GAS6: variants seen among roughly 807,000 people sequenced by gnomAD.
The protein encoded by GAS6 is growth arrest specific 6.
In GAS6, 41 loss-of-function variants were observed where a neutral mutation model predicts 75.8. The ratio of observed to expected loss-of-function variants is 0.54; its 90% CI spans 0.42 to 0.70. The LOEUF (loss-of-function observed/expected upper bound fraction) is 0.70. Among genes scored for constraint, GAS6 ranks in the 30% least tolerant of loss-of-function variants. GAS6 has a pLI of 0.00. For missense variants in GAS6, 854 were observed against 940.2 expected, an observed-to-expected ratio of 0.91 and a Z score of 1.20; for synonymous variants, 432 against 412.6, an observed-to-expected ratio of 1.05 and a Z score of -0.57.
Position 113,828,541 on chromosome 13 carries a change from A to G in GAS6, c.1308+6T>C. ...GCGTCTACACAGGGACAGGTACAGTACTCACAGGCTGCACGAGGTCCTTCT... is the reference window on the plus strand; with the variant it reads ...GCGTCTACACAGGGACAGGTACAGTGCTCACAGGCTGCACGAGGTCCTTCT... On this transcript the variant is annotated splice_donor_region_variant and intron_variant, in intron 11 of 14. Transcript: ENST00000327773. 1 of 1,612,676 alleles carries G rather than the reference A, an allele frequency of 6.2e-7. No individual in the cohort carries two copies. The highest frequency in any genetic ancestry group is 8.5e-7 in the Non-Finnish European group (1 of 1,179,586).
intron 2 of GAS6, among the ~76,000 whole-genome samples, chr13:113,855,354 C>T (rs1274673458): frequency 1.3e-5 from 2 of 152,218 alleles, no homozygotes; most frequent in Non-Finnish European, 2.9e-5. Flanking sequence ...CAATAAGCTA[C>T]CGGCCTCTGT....
In GAS6 at chr13:113,839,715, C is replaced by T. The variant is rs1489738360; in HGVS notation, c.466+13G>A. ...TGGAGGGAGACCCCGCCTTTGTCTT[C>T]AGCCTCACGTACCTTTGTCGCAGAG... On this transcript the variant is annotated intron_variant, in intron 5 of 14. Transcript: ENST00000327773. The T allele has an allele frequency of 2.5e-6, 4 of 1,612,640 alleles. No homozygotes were observed. Among genetic ancestry groups the T allele is most frequent in the African/African-American group, 2.7e-5 (2 of 74,892 alleles).
chr13:113,864,065 A>C lies in GAS6; in HGVS notation c.-145T>G. ...CGGCGGCGGCGGCTGCGGCACCTCAAGCGCTCGGTCTGGGCGTGTTCGGGC... is the reference window on the plus strand; with the variant it reads ...CGGCGGCGGCGGCTGCGGCACCTCACGCGCTCGGTCTGGGCGTGTTCGGGC... On this transcript the variant is annotated 5_prime_UTR_variant, in exon 1 of 15. Coordinates refer to ENST00000327773, the MANE Select transcript of GAS6 (RefSeq NM_000820.4). 1.2e-6 allele frequency: 1 copy of C among 854,178 alleles called. No homozygotes were observed. Among genetic ancestry groups the C allele is most frequent in the Non-Finnish European group, 1.4e-6 (1 of 708,064 alleles). 52.9% of individuals were successfully genotyped at this position (854,178 alleles called of 1,614,324 possible).
intron 11 of GAS6, among the ~76,000 whole-genome samples, chr13:113,828,195 C>T (rs1026630156): frequency 4.6e-5 from 7 of 152,032 alleles, no homozygotes; most frequent in South Asian, 2.1e-4. Flanking sequence ...ACCCGGGAGG[C>T]GGAGCTTGCA....
In GAS6 at chr13:113,832,663, T is replaced by G; in HGVS notation, c.924A>C (p.Arg308=). The G allele has an allele frequency of 6.2e-7, 1 of 1,612,754 alleles. No individual in the cohort carries two copies. Among genetic ancestry groups the G allele is most frequent in the African/African-American group, 1.3e-5 (1 of 75,060 alleles). ...TGGGCTGCAGCCTCTTGAAGCGCAG[T>G]CGGATCACGGGGGTCCCACTGAACA... is the stretch of plus-strand genomic sequence containing the variant. The part of the protein sequence containing the change: ...GRMFSGTPVI[R]LRFKRLQPTR... Residue 308 remains arginine, a synonymous_variant, in exon 9 of 15, where the codon CGA becomes CGC. Transcript: ENST00000327773.
intron 2 of GAS6, among the ~76,000 whole-genome samples, chr13:113,851,001 G>C (rs918472536): frequency 1.3e-5 from 2 of 152,278 alleles, no homozygotes; most frequent in Admixed American, 6.5e-5. Flanking sequence ...ATGAATGAAT[G>C]AATCAGTGGA....
At position 113,822,620 on chromosome 13, in the gene GAS6, T is replaced by G. The variant is rs912940320; in HGVS notation, c.1654-434A>C. ...GCCCAGCAGCCCAGGGGTCGGCTGT[T>G]GCTACATAACAGCAGCTGTTTATTC... On this transcript the variant is annotated intron_variant, in intron 13 of 14. Coordinates refer to ENST00000327773, the MANE Select transcript of GAS6 (RefSeq NM_000820.4). 5 of 166,970 alleles carry G rather than the reference T, an allele frequency of 3.0e-5. No individual in the cohort carries two copies. In the Admixed American group the frequency reaches 3.1e-4, roughly 10 times the overall value. 10.3% of individuals were successfully genotyped at this position (166,970 alleles called of 1,614,324 possible).
chr13:113,823,464 G>A lies in GAS6; in HGVS notation c.1564C>T (p.Leu522=), dbSNP rs1261739146. The stretch of plus-strand genomic sequence containing the variant: ...AGGTCGGGGGCCCAGAGCGCAAACA[G>A]CACGCCTGTGTCTGCGGCTGGGCGG... ...HIRPAADTGV[L]FALWAPDLRA... The change falls in exon 13 of 15, where the codon CTG becomes TTG. Residue 522 remains leucine, a synonymous_variant. Coordinates refer to ENST00000327773, the MANE Select transcript of GAS6 (RefSeq NM_000820.4). The A allele has an allele frequency of 6.2e-7, 1 of 1,612,794 alleles. No homozygotes were observed.
chr13:113,828,341 C>G (rs989071008), intron 11 of GAS6, among the ~76,000 whole-genome samples: 1 of 152,128 alleles, frequency 6.6e-6, no homozygotes, highest in African/African-American at 2.4e-5. Context: ...CAGATGAAAA[C>G]TTAGGTCTCA....
chr13:113,861,554 A>T (rs905966905), intron 2 of GAS6, among the ~76,000 whole-genome samples: 1 of 152,356 alleles, frequency 6.6e-6, no homozygotes, highest in South Asian at 2.1e-4. Context: ...ATTTTCATGC[A>T]TTAGCAGGAA....
At position 113,832,418 on chromosome 13, in the gene GAS6, C is replaced by A; in HGVS notation, c.1024G>T (p.Asp342Tyr). ...AGGGCCAGCACGATCCAGGTGCTGT[C>A]CTGGTGGCCTCCGGCAAAGAGGAGG... Reference protein sequence around the residue: ...GILLFAGGHQDSTWIVLALRA... With the variant: ...GILLFAGGHQYSTWIVLALRA... The change falls in exon 10 of 15, where the codon GAC becomes TAC. Residue 342 changes from aspartate to tyrosine, a missense_variant. By Grantham distance (160) the Asp-to-Tyr change is radical. Coordinates refer to ENST00000327773, the MANE Select transcript of GAS6 (RefSeq NM_000820.4). 2 of 1,610,420 alleles carry A rather than the reference C, an allele frequency of 1.2e-6. No homozygotes were observed. Among genetic ancestry groups the A allele is most frequent in the Non-Finnish European group, 1.7e-6 (2 of 1,178,210 alleles).
chr13:113,864,053 T>G lies in GAS6; in HGVS notation c.-133A>C, dbSNP rs567070281. On this transcript the variant is annotated 5_prime_UTR_variant, in exon 1 of 15. Coordinates refer to ENST00000327773, the MANE Select transcript of GAS6 (RefSeq NM_000820.4). ...TCGCGGCGGCGGCGGCGGCGGCGGC[T>G]GCGGCACCTCAAGCGCTCGGTCTGG... is the stretch of plus-strand genomic sequence containing the variant. The G allele has an allele frequency of 3.3e-3, 3,013 of 899,550 alleles. 63 individuals carry two copies. In the African/African-American group the frequency reaches 0.05, roughly 15 times the overall value. 55.7% of individuals were successfully genotyped at this position (899,550 alleles called of 1,614,324 possible). A position where few individuals can be genotyped will look rare whatever the true frequency, so the allele number is the denominator to read the frequency against.
intron 6 of GAS6, chr13:113,836,071 C>A (rs998618875): frequency 6.1e-6 from 6 of 991,402 alleles, no homozygotes; most frequent in Non-Finnish European, 7.2e-6. Flanking sequence ...AAACCACAAT[C>A]CTAAGACTTG....
Position 113,821,014 on chromosome 13 carries a change from C to T in GAS6, c.1887G>A (p.Val629=). 6.2e-7 allele frequency: 1 copy of T among 1,612,336 alleles called. No individual in the cohort carries two copies. Among genetic ancestry groups the T allele is most frequent in the Non-Finnish European group, 8.5e-7 (1 of 1,179,814 alleles). The part of the protein sequence containing the change: ...VLTFAGGLPD[V]PVTSAPVTAF... ...CGGTGACTGGCGCTGAAGTCACCGG[C>T]ACATCTGGGCCGCAGGGAGAGAACA... The change falls in exon 15 of 15, where the codon GTG becomes GTA. Residue 629 remains valine (V), a synonymous_variant. Coordinates refer to ENST00000327773, the MANE Select transcript of GAS6 (RefSeq NM_000820.4).
At chr13:113,824,162 G>A (rs902066911) in intron 12 of GAS6, among the ~76,000 whole-genome samples, 4 of 122,640 alleles carry the variant, frequency 3.3e-5, no homozygotes, top group Admixed American at 7.9e-5. Flanking sequence ...GGGAGCACGC[G>A]TGGTCTGGGG....
rs1371297218 is a variant in GAS6, at chr13:113,838,185, T to C, written c.473A>G (p.Asn158Ser). The change falls in exon 6 of 15, where the codon AAC becomes AGC. Residue 158 changes from asparagine to serine, a missense_variant. Physicochemically the swap from Asn to Ser is conservative, Grantham distance 46. Transcript: ENST00000327773. ...GCCCCCGTTCTCCTGGCTGCATTCG[T>C]TGACATCTGGGAACAAGCACAGGCC... The part of the protein sequence containing the change: ...WGGRLCDKDV[N>S]ECSQENGGCL... 6.2e-7 allele frequency: 1 copy of C among 1,612,602 alleles called. No individual in the cohort carries two copies. Among genetic ancestry groups the C allele is most frequent in the East Asian group, 2.2e-5 (1 of 44,870 alleles).
chr13:113,823,930 G>A (rs1273575684), intron 12 of GAS6, among the ~76,000 whole-genome samples: 1 of 152,252 alleles, frequency 6.6e-6, no homozygotes, highest in Non-Finnish European at 1.5e-5. Flanking sequence ...GAGCGTGCGT[G>A]GCCTCGTGCC....
At chr13:113,851,426 AATGG>A (rs1365253803) in intron 2 of GAS6, among the ~76,000 whole-genome samples, 1 of 151,518 alleles carries the variant, frequency 6.6e-6, no homozygotes, top group Non-Finnish European at 1.5e-5. Context: ...TGGATAGGTG[AATGG>A]ATGGACAGAT....
rs778470712 is a variant in GAS6, at chr13:113,838,023, A to T, written c.589+46T>A. Reference sequence around the variant, plus strand: ...AAGAGCAGACATGACCGAAAATAGAAGGTGGGGAGAGGAGAGAGGAGAGAG... The same window carrying T: ...AAGAGCAGACATGACCGAAAATAGATGGTGGGGAGAGGAGAGAGGAGAGAG... On this transcript the variant is annotated intron_variant, in intron 6 of 14. Transcript: ENST00000327773. 1.3e-5 allele frequency: 21 copies of T among 1,603,238 alleles called. 1 individual carries two copies. In the South Asian group the frequency reaches 2.0e-4, roughly 15 times the overall value.
Sources: allele counts gnomAD v4.1 joint callset (sites outside exome capture counted in the v4.1 genomes callset), GRCh38; gene constraint gnomAD v4.1.1; transcripts MANE v1.5; gene names NCBI Gene and HGNC (gene_info 2026-07-23, HGNC 2026-07-21).